NAALADL2: variants seen among roughly 807,000 people sequenced by gnomAD.
The protein encoded by NAALADL2 is inactive N-acetylated-alpha-linked acidic dipeptidase-like protein 2.
A neutral mutation model predicts 87.2 loss-of-function variants in NAALADL2; 76 were observed. That is an observed-to-expected ratio of 0.87 (90% CI 0.72 to 1.05). The LOEUF is 1.05. Ranked by LOEUF, NAALADL2 falls within the 50% of genes least tolerant of loss-of-function variation. The pLI, the probability that NAALADL2 is intolerant of heterozygous loss-of-function variation, is 0.00. For missense variants in NAALADL2, 1,089 were observed against 945.8 expected (o/e 1.15, Z -1.99); for synonymous variants, 354 against 331.0 (o/e 1.07, Z -0.75).
rs188894544 is a variant in NAALADL2, at chr3:175,419,826, G to T, written c.1091-27403G>T. ...AACTATTTGACTATGAGGTGGCATT[G>T]CAGTATGCTTCATAGAAGAAGTGAT... On this transcript the variant is annotated intron_variant, in intron 5 of 13. Transcript: ENST00000454872. Among the ~76,000 whole-genome samples, 12 of 152,078 alleles carry T rather than the reference G, an allele frequency of 7.9e-5. No homozygotes were observed. In the East Asian group the frequency reaches 2.3e-3, roughly 29 times the overall value.
intron 1 of NAALADL2, among the ~76,000 whole-genome samples, chr3:174,541,666 A>G (rs776478358): frequency 1.3e-5 from 2 of 152,216 alleles, no homozygotes; most frequent in Non-Finnish European, 1.5e-5. Context: ...GAAATGTAGA[A>G]TTCAGTATGT....
chr3:175,468,726 T>C (rs1697934375), intron 8 of NAALADL2, among the ~76,000 whole-genome samples: 1 of 152,040 alleles, frequency 6.6e-6, no homozygotes, highest in African/African-American at 2.4e-5. Flanking sequence ...CTTGTCTAAA[T>C]TAATAGTTTC....
chr3:175,652,801 T>C (rs1209908994), intron 11 of NAALADL2, among the ~76,000 whole-genome samples: 3 of 152,124 alleles, frequency 2.0e-5, no homozygotes, highest in Admixed American at 6.5e-5. Context: ...TATGACTTTA[T>C]ATTTGATTAC....
At position 175,044,056 on chromosome 3, in the gene NAALADL2, A is replaced by G. The variant is rs199738430; in HGVS notation, c.44-52734A>G. On this transcript the variant is annotated intron_variant, in intron 1 of 13. Coordinates refer to ENST00000454872, the MANE Select transcript of NAALADL2 (RefSeq NM_207015.3). ...TATGTCTTCTTCAATTTCTTTCATCAATGTTTTATAGTTTTCATCATACCT... is the reference window on the plus strand; with the variant it reads ...TATGTCTTCTTCAATTTCTTTCATCGATGTTTTATAGTTTTCATCATACCT... 2.6e-5 allele frequency among the ~76,000 whole-genome samples: 4 copies of G among 152,010 alleles called. No individual in the cohort carries two copies. The East Asian group carries it at 7.7e-4, about 29-fold the overall frequency.
At chr3:175,251,203 T>A (rs1749006810) in intron 3 of NAALADL2, among the ~76,000 whole-genome samples, 1 of 152,216 alleles carries the variant, frequency 6.6e-6, no homozygotes. Flanking sequence ...CCACTCTTTG[T>A]CGTCATCCCA....
chr3:174,678,964 T>A (rs1386853416), intron 2 of NAALADL2, among the ~76,000 whole-genome samples: 2 of 152,302 alleles, frequency 1.3e-5, no homozygotes, highest in South Asian at 4.1e-4. Flanking sequence ...AGATAATATC[T>A]TTCTTTTTGT....
At chr3:174,661,827 GCA>G (rs144556364) in intron 2 of NAALADL2, among the ~76,000 whole-genome samples, 7 of 150,186 alleles carry the variant, frequency 4.7e-5, no homozygotes, top group Admixed American at 6.6e-5. Flanking sequence ...ATGCGTGCAC[GCA>G]CACACACACA....
intron 1 of NAALADL2, among the ~76,000 whole-genome samples, chr3:174,929,654 C>A (rs989670823): frequency 1.3e-5 from 2 of 152,004 alleles, no homozygotes; most frequent in Admixed American, 1.3e-4. Flanking sequence ...ATTTAAGGGT[C>A]CCTTTCATAA....
chr3:174,512,479 A>C (rs1218632146), intron 1 of NAALADL2, among the ~76,000 whole-genome samples: 1 of 152,110 alleles, frequency 6.6e-6, no homozygotes, highest in Non-Finnish European at 1.5e-5. Flanking sequence ...AACTCTGAAA[A>C]TTGTTTGCTC....
At chr3:174,977,450 C>T (rs780005092) in intron 1 of NAALADL2, among the ~76,000 whole-genome samples, 20 of 152,156 alleles carry the variant, frequency 1.3e-4, no homozygotes, top group Non-Finnish European at 1.6e-4. Context: ...TTTAAAGTGA[C>T]TTCACCTTTT....
At chr3:174,591,204 T>C (rs1036267524) in intron 2 of NAALADL2, among the ~76,000 whole-genome samples, 8 of 152,216 alleles carry the variant, frequency 5.3e-5, no homozygotes, top group African/African-American at 1.9e-4. Context: ...AATGGTCTTC[T>C]GACAATACGG....
chr3:174,456,661 C>CCA (rs1715855074), intron 1 of NAALADL2, among the ~76,000 whole-genome samples: 9 of 152,076 alleles, frequency 5.9e-5, no homozygotes, highest in Admixed American at 5.9e-4. Context: ...AACTGGGTAG[C>CCA]CATATGCATA....
chr3:174,442,395 T>TTC (rs1553766811), intron 1 of NAALADL2, among the ~76,000 whole-genome samples: 1 of 151,638 alleles, frequency 6.6e-6, no homozygotes, highest in East Asian at 1.9e-4. Flanking sequence ...AGATTTTTTT[T>TTC]CTCCTTTACA....
At chr3:174,893,854 A>G (rs1731169888) in intron 1 of NAALADL2, among the ~76,000 whole-genome samples, 1 of 152,192 alleles carries the variant, frequency 6.6e-6, no homozygotes, top group Non-Finnish European at 1.5e-5. Context: ...TGGCAGGACT[A>G]AGCCCTAACT....
At chr3:175,186,555 A>T (rs1233024244) in intron 2 of NAALADL2, among the ~76,000 whole-genome samples, 2 of 152,136 alleles carry the variant, frequency 1.3e-5, no homozygotes, top group Non-Finnish European at 2.9e-5. Flanking sequence ...TTTACTTTAT[A>T]GAAAGAGATA....
At chr3:175,788,086 C>CT (rs1560015802) in intron 13 of NAALADL2, among the ~76,000 whole-genome samples, 7 of 136,426 alleles carry the variant, frequency 5.1e-5, no homozygotes, top group South Asian at 2.3e-4. Context: ...AGTTTTTTAC[C>CT]TGTTTTTTTT....
Position 175,321,876 on chromosome 3 carries a change from T to C in NAALADL2, c.940-2299T>C, listed in dbSNP as rs1759929467. Among the ~76,000 whole-genome samples the C allele has an allele frequency of 3.0e-5, 4 of 135,344 alleles. No homozygotes were observed. In the South Asian group the frequency reaches 1.0e-3, roughly 35 times the overall value. 88.8% of individuals were successfully genotyped at this position (135,344 alleles called of 152,430 possible). On this transcript the variant is annotated intron_variant, in intron 4 of 13. Coordinates refer to ENST00000454872, the MANE Select transcript of NAALADL2 (RefSeq NM_207015.3). ...TGGAAGAACATTCCATGCTCATGGG[T>C]AGGAAGAATCAATATCGTGAAAATG...
chr3:175,692,668 C>T (rs374915127), intron 11 of NAALADL2, among the ~76,000 whole-genome samples: 2 of 152,110 alleles, frequency 1.3e-5, no homozygotes, highest in African/African-American at 4.8e-5. Flanking sequence ...AGTTTTCATC[C>T]ACTTCATGGC....
chr3:175,566,669 A>C, intron 9 of NAALADL2, among the ~76,000 whole-genome samples: 1 of 152,174 alleles, frequency 6.6e-6, no homozygotes, highest in East Asian at 1.9e-4. Flanking sequence ...TTTTGGGACT[A>C]AATATAAAAG....
Sources: allele counts gnomAD v4.1 joint callset (sites outside exome capture counted in the v4.1 genomes callset), GRCh38; gene constraint gnomAD v4.1.1; transcripts MANE v1.5; gene names NCBI Gene and HGNC (gene_info 2026-07-23, HGNC 2026-07-21).